STARD13: variants seen among roughly 807,000 people sequenced by gnomAD.
The protein encoded by STARD13 is stAR-related lipid transfer protein 13.
In STARD13, 62 loss-of-function variants were observed where a neutral mutation model predicts 106.4. The observed-to-expected ratio is 0.58, with a 90% CI of 0.48 to 0.72. The LOEUF is 0.72. Among genes scored for constraint, STARD13 ranks in the 30% least tolerant of loss-of-function variants. The pLI is 0.00. For missense variants in STARD13, 1,387 were observed against 1,424.0 expected, an observed-to-expected ratio of 0.97 and a Z score of 0.42; for synonymous variants, 565 against 553.0, an observed-to-expected ratio of 1.02 and a Z score of -0.31.
At chr13:33,219,869 A>G (rs1368565736) in intron 1 of STARD13, among the ~76,000 whole-genome samples, 1 of 152,102 alleles carries the variant, frequency 6.6e-6, no homozygotes, top group African/African-American at 2.4e-5. Flanking sequence ...AAGTATAAAA[A>G]TAGACAACTG....
chr13:33,187,684 A>AT, intron 1 of STARD13, among the ~76,000 whole-genome samples: 1 of 152,126 alleles, frequency 6.6e-6, no homozygotes, highest in South Asian at 2.1e-4. Context: ...AAAAAAATTT[A>AT]TTTATTTATT....
At chr13:33,374,873 C>T in the STARD13 span, among the ~76,000 whole-genome samples, 1 of 152,106 alleles carries the variant, frequency 6.6e-6, no homozygotes, top group African/African-American at 2.4e-5. Flanking sequence ...AAATTGTAGA[C>T]TCTGATTCTA....
chr13:33,198,027 G>T (rs1016354230), intron 1 of STARD13, among the ~76,000 whole-genome samples: 1 of 150,950 alleles, frequency 6.6e-6, no homozygotes, highest in South Asian at 2.1e-4. Context: ...AAAATTAGCC[G>T]GGCATGGTGG....
At chr13:33,260,922 G>GTCCTTC (rs1376425202) in intron 1 of STARD13, among the ~76,000 whole-genome samples, 1 of 152,082 alleles carries the variant, frequency 6.6e-6, no homozygotes, top group East Asian at 1.9e-4. Context: ...CCTAAGCCAC[G>GTCCTTC]TCCTTCCCGT....
chr13:33,563,791 A>G, the STARD13 span, among the ~76,000 whole-genome samples: 1 of 147,778 alleles, frequency 6.8e-6, no homozygotes. Context: ...GAGACAACCT[A>G]CAGAATGAGA....
the STARD13 span, among the ~76,000 whole-genome samples, chr13:33,402,230 A>G: frequency 5.3e-5 from 8 of 152,244 alleles, no homozygotes; most frequent in Non-Finnish European, 1.2e-4. Flanking sequence ...AATCACTCTC[A>G]CCAAGATAGC....
the STARD13 span, among the ~76,000 whole-genome samples, chr13:33,433,697 G>A: frequency 6.6e-6 from 1 of 152,066 alleles, no homozygotes; most frequent in Non-Finnish European, 1.5e-5. Context: ...ATTCAAAGGA[G>A]GGTTCATTAA....
chr13:33,245,425 A>C (rs1889774447), intron 1 of STARD13, among the ~76,000 whole-genome samples: 1 of 152,242 alleles, frequency 6.6e-6, no homozygotes, highest in Non-Finnish European at 1.5e-5. Flanking sequence ...GGAAGAGAAC[A>C]ACTTCTAGCT....
rs145699810 is a variant in STARD13, at chr13:33,165,604, A to T, written c.242-186T>A. Among the ~76,000 whole-genome samples, 336 of 152,314 alleles carry T rather than the reference A, an allele frequency of 2.2e-3. 2 individuals are homozygous for T. The highest frequency in any genetic ancestry group is 6.5e-3 in the African/African-American group (271 of 41,556). On this transcript the variant is annotated intron_variant, in intron 2 of 13. Transcript: ENST00000336934. Reference sequence around the variant, plus strand: ...GTAAATGCTTTTAGGAGTACAATATAAGTGCGAAATATGAGGATAGTCAAG... The same window carrying T: ...GTAAATGCTTTTAGGAGTACAATATTAGTGCGAAATATGAGGATAGTCAAG...
chr13:33,295,720 G>A (rs1256377372), intron 1 of STARD13, among the ~76,000 whole-genome samples: 1 of 152,120 alleles, frequency 6.6e-6, no homozygotes, highest in African/African-American at 2.4e-5. Flanking sequence ...GGGCAGAGGA[G>A]AGACGACTAA....
At chr13:33,413,849 C>T in the STARD13 span, among the ~76,000 whole-genome samples, 21,800 of 151,464 alleles carry the variant, frequency 0.14, 3,482 homozygotes, top group East Asian at 0.38. Flanking sequence ...CTGGCTAATA[C>T]GGTAAAACCC....
chr13:33,421,886 A>G, the STARD13 span, among the ~76,000 whole-genome samples: 33 of 152,174 alleles, frequency 2.2e-4, no homozygotes, highest in Non-Finnish European at 1.3e-4. Context: ...CCTTCGACAA[A>G]ATTCAACTTC....
intron 1 of STARD13, among the ~76,000 whole-genome samples, chr13:33,240,368 TC>T (rs1339728181): frequency 6.6e-6 from 1 of 152,170 alleles, no homozygotes; most frequent in Admixed American, 6.5e-5. Context: ...CTATTCAGGA[TC>T]CTTTGAGATC....
At chr13:33,143,095 C>T (rs1593953994) in intron 3 of STARD13, among the ~76,000 whole-genome samples, 1 of 152,156 alleles carries the variant, frequency 6.6e-6, no homozygotes, top group Non-Finnish European at 1.5e-5. Flanking sequence ...GGAGCCAAAC[C>T]CTGCCAGCAC....
At chr13:33,263,393 A>G (rs888803611) in intron 1 of STARD13, among the ~76,000 whole-genome samples, 21 of 152,198 alleles carry the variant, frequency 1.4e-4, no homozygotes, top group African/African-American at 5.1e-4. Flanking sequence ...AGAAACTTTA[A>G]TTCTACCTCC....
At chr13:33,352,235 T>C (rs1474372225), upstream of STARD13, among the ~76,000 whole-genome samples, 1 of 152,190 alleles carries the variant, frequency 6.6e-6, no homozygotes, top group Non-Finnish European at 1.5e-5. Context: ...CTGCTTTGTA[T>C]GCATGCAGAG....
chr13:33,281,531 A>C (rs1891784215), intron 1 of STARD13: 1 of 152,076 alleles, frequency 6.6e-6, no homozygotes, highest in Non-Finnish European at 1.5e-5. Context: ...AAAACCATCA[A>C]ATAATGACAT....
the STARD13 span, among the ~76,000 whole-genome samples, chr13:33,362,459 G>A: frequency 6.6e-6 from 1 of 152,114 alleles, no homozygotes; most frequent in African/African-American, 2.4e-5. Context: ...TATCAATAAG[G>A]GAAAAACGAC....
the STARD13 span, among the ~76,000 whole-genome samples, chr13:33,608,541 A>G: frequency 2.0e-5 from 3 of 152,214 alleles, no homozygotes; most frequent in East Asian, 3.8e-4. Flanking sequence ...AAGTAAATCA[A>G]TGAGCAAACA....
Sources: allele counts gnomAD v4.1 joint callset (sites outside exome capture counted in the v4.1 genomes callset), GRCh38; gene constraint gnomAD v4.1.1; transcripts MANE v1.5; gene names NCBI Gene and HGNC (gene_info 2026-07-23, HGNC 2026-07-21).